The following POF1B variants were observed in gnomAD, a reference collection of about 807,000 sequenced individuals.
POF1B encodes the protein POF1B actin binding protein, also known as protein POF1B.
Under a neutral mutation model 55.3 loss-of-function variants are expected in POF1B, and 53 were observed. That is an observed-to-expected ratio of 0.96 (90% CI 0.77 to 1.20). The LOEUF (loss-of-function observed/expected upper bound fraction) is 1.20, where lower values mean the gene tolerates loss of function less well. Ranked by LOEUF, POF1B falls within the 50% of genes most tolerant of loss-of-function variation. POF1B has a pLI of 0.00. For synonymous variants in POF1B, 188 were observed against 148.3 expected (o/e 1.27, Z -1.95); for missense variants, 478 against 420.5 (o/e 1.14, Z -1.20).
At chrX:85,297,504 C>G (rs969028028) in intron 15 of POF1B, among the ~76,000 whole-genome samples, 6 of 111,968 alleles carry the variant, frequency 5.4e-5, no homozygotes, top group Non-Finnish European at 7.5e-5. Flanking sequence ...TGTATGGGAT[C>G]TTTATTTGTG....
intron 6 of POF1B, among the ~76,000 whole-genome samples, chrX:85,334,889 G>A (rs753756212): frequency 9.0e-6 from 1 of 111,147 alleles, no homozygotes; most frequent in East Asian, 2.8e-4. Context: ...TATTTACATC[G>A]TTCAGTGGTA....
chrX:85,306,448 C>A (rs1262362746), intron 11 of POF1B, 115 bp from the exon 12 acceptor site: 5 of 737,479 alleles, frequency 6.8e-6, no homozygotes, highest in Non-Finnish European at 9.9e-6. Context: ...GCCCAGTTTT[C>A]TTATACTCTG....
chrX:85,379,535 A>C, intron 1 of POF1B, 40 bp from the exon 2 acceptor site: 1 of 1,029,713 alleles, frequency 9.7e-7, no homozygotes, highest in Non-Finnish European at 1.3e-6. Context: ...AAAAAAAGAC[A>C]GGCAAGCAGG....
intron 2 of POF1B, among the ~76,000 whole-genome samples, chrX:85,370,383 C>T (rs189269494): frequency 9.0e-6 from 1 of 111,726 alleles, no homozygotes; most frequent in Admixed American, 9.5e-5. Context: ...AATTGATCAT[C>T]TAGACAAATG....
intron 5 of POF1B, among the ~76,000 whole-genome samples, chrX:85,350,223 C>T (rs2147937571): frequency 9.4e-6 from 1 of 106,653 alleles, no homozygotes; most frequent in South Asian, 4.5e-4. Flanking sequence ...GTGATGTTCC[C>T]CTTCTTGTGT....
intron 3 of POF1B, among the ~76,000 whole-genome samples, chrX:85,365,976 A>G (rs1192692275): frequency 9.0e-6 from 1 of 111,394 alleles, no homozygotes; most frequent in Non-Finnish European, 1.9e-5. Flanking sequence ...AAAAGAGTTC[A>G]TATCATCCAT....
chrX:85,344,384 A>G (rs1377315611), intron 6 of POF1B, among the ~76,000 whole-genome samples: 12 of 111,531 alleles, frequency 1.1e-4, no homozygotes, highest in Non-Finnish European at 2.3e-4. Context: ...ATTCCTCAAC[A>G]TAGCCTTCCT....
At chrX:85,360,527 GTATATATATATATATATATA>G (rs142665633) in intron 3 of POF1B, among the ~76,000 whole-genome samples, 10 of 58,537 alleles carry the variant, frequency 1.7e-4, no homozygotes, top group African/African-American at 1.0e-3. Flanking sequence ...TCCATGGTAT[GTATATATATATATATATATA>G]TATATATATA....
chrX:85,282,153 G>T (rs1931914552), intron 16 of POF1B, 50 bp downstream of exon 16: 1 of 1,114,272 alleles, frequency 9.0e-7, no homozygotes. Context: ...ATTTTAAAAG[G>T]CTGTACATAT....
intron 6 of POF1B, among the ~76,000 whole-genome samples, chrX:85,338,225 A>G (rs1933109952): frequency 1.8e-5 from 2 of 111,788 alleles, no homozygotes; most frequent in Non-Finnish European, 3.8e-5. Context: ...ATCCCTTTTA[A>G]TAGCCTAATC....
intron 7 of POF1B, among the ~76,000 whole-genome samples, chrX:85,322,579 C>T (rs1932850534): frequency 9.0e-6 from 1 of 111,572 alleles, no homozygotes; most frequent in Admixed American, 9.6e-5. Flanking sequence ...GCAACAAAAG[C>T]CAAAATTGAC....
At chrX:85,349,809 T>C (rs1197834198) in intron 5 of POF1B, among the ~76,000 whole-genome samples, 1 of 111,041 alleles carries the variant, frequency 9.0e-6, no homozygotes, top group Non-Finnish European at 1.9e-5. Context: ...AAATTTCTGT[T>C]GTTTTAAACC....
intron 3 of POF1B, among the ~76,000 whole-genome samples, chrX:85,362,705 C>CT (rs1206972539): frequency 5.4e-5 from 6 of 110,584 alleles, no homozygotes; most frequent in African/African-American, 9.9e-5. Flanking sequence ...GAAGCTTTCT[C>CT]TTTTTTTTGT....
chrX:85,368,761 T>C (rs1208556217), intron 2 of POF1B, among the ~76,000 whole-genome samples: 1 of 111,547 alleles, frequency 9.0e-6, no homozygotes, highest in Non-Finnish European at 1.9e-5. Context: ...CTGGCATTGT[T>C]TACATATTTC....
At chrX:85,333,988 C>G (rs1050384732) in intron 6 of POF1B, among the ~76,000 whole-genome samples, 4 of 110,557 alleles carry the variant, frequency 3.6e-5, no homozygotes, top group African/African-American at 1.3e-4. Flanking sequence ...AAATTCTCAT[C>G]TATTGTTAAG....
chrX:85,376,843 G>C (rs1393793410), intron 2 of POF1B, among the ~76,000 whole-genome samples: 1 of 110,851 alleles, frequency 9.0e-6, no homozygotes, highest in Non-Finnish European at 1.9e-5. Context: ...CATCAATTTT[G>C]GTTTCTCAAA....
At chrX:85,350,638 C>T (rs1162007984) in intron 5 of POF1B, among the ~76,000 whole-genome samples, 1 of 111,435 alleles carries the variant, frequency 9.0e-6, no homozygotes, top group East Asian at 2.8e-4. Context: ...AACTAGTTTA[C>T]AGTCCCACCA....
At chrX:85,362,103 A>C (rs1933636097) in intron 3 of POF1B, among the ~76,000 whole-genome samples, 1 of 110,354 alleles carries the variant, frequency 9.1e-6, no homozygotes, top group Non-Finnish European at 1.9e-5. Context: ...GGTATCCTGA[A>C]ATTTGGCTGA....
chrX:85,303,587 C>A (rs1347158345), intron 14 of POF1B, 99 bp from the exon 15 acceptor site: 1 of 567,610 alleles, frequency 1.8e-6, no homozygotes. Flanking sequence ...AATGATTATA[C>A]CCCCTCCCTT....
Sources: allele counts gnomAD v4.1 joint callset (sites outside exome capture counted in the v4.1 genomes callset), GRCh38; gene constraint gnomAD v4.1.1; transcripts MANE v1.5; gene names NCBI Gene and HGNC (gene_info 2026-07-23, HGNC 2026-07-21).